The following FGGY variants were observed in gnomAD, a reference collection of about 807,000 sequenced individuals.
FGGY encodes the protein FGGY carbohydrate kinase domain containing.
Under a neutral mutation model 71.3 loss-of-function variants are expected in FGGY, and 72 were observed. The observed-to-expected ratio is 1.01, with a 90% CI of 0.84 to 1.23. The LOEUF (loss-of-function observed/expected upper bound fraction) is 1.23. Ranked by LOEUF, FGGY falls within the 50% of genes most tolerant of loss-of-function variation. The pLI is 0.00. For synonymous variants in FGGY, 251 were observed against 250.3 expected (o/e 1.00, Z -0.02); for missense variants, 668 against 682.3 (o/e 0.98, Z 0.23).
intron 14 of FGGY, among the ~76,000 whole-genome samples, 194 bp downstream of exon 14, chr1:59,674,327 G>A (rs1280412626): frequency 2.0e-5 from 3 of 152,264 alleles, no homozygotes; most frequent in East Asian, 3.9e-4. Flanking sequence ...GCCTCGGTTC[G>A]TGTTGGTCGT....
At chr1:59,471,975 C>T (rs1045417423) in intron 6 of FGGY, among the ~76,000 whole-genome samples, 12 of 152,258 alleles carry the variant, frequency 7.9e-5, no homozygotes, top group African/African-American at 2.7e-4. Flanking sequence ...GCTGGCAGTC[C>T]TCACAGCCCT....
At chr1:59,433,325 T>G (rs2067764437) in intron 5 of FGGY, among the ~76,000 whole-genome samples, 2 of 152,158 alleles carry the variant, frequency 1.3e-5, no homozygotes, top group African/African-American at 4.8e-5. Flanking sequence ...AACCACTGAT[T>G]TAAATTAAAT....
intron 1 of FGGY, among the ~76,000 whole-genome samples, chr1:59,306,590 A>G (rs2043472865): frequency 6.6e-6 from 1 of 152,214 alleles, no homozygotes; most frequent in Non-Finnish European, 1.5e-5. Flanking sequence ...CCAACTCTAC[A>G]GGAAAAGAGG....
chr1:59,749,363 T>G (rs998597437), intron 14 of FGGY, among the ~76,000 whole-genome samples: 5 of 152,136 alleles, frequency 3.3e-5, no homozygotes, highest in Non-Finnish European at 7.4e-5. Flanking sequence ...ATCTGAAGTG[T>G]GGGCAGTCTT....
chr1:59,743,805 A>G (rs1406118843), intron 14 of FGGY, among the ~76,000 whole-genome samples: 1 of 152,228 alleles, frequency 6.6e-6, no homozygotes, highest in African/African-American at 2.4e-5. Flanking sequence ...CAAACCAAGA[A>G]GCTTCTACAA....
rs1472583413 is a variant in FGGY at position 59,570,347 on chromosome 1, TAA to T, written c.903+16121_903+16122del. ...ACTCTAAATTTACACTTGATGAATA[TAA>T]GAGTGAAGTAAATAAATGTAAAATT... On this transcript the variant is annotated intron_variant, in intron 8 of 15. Transcript: ENST00000303721. 3.9e-5 allele frequency among the ~76,000 whole-genome samples: 6 copies of T among 152,250 alleles called. No homozygotes were observed. The South Asian group carries it at 1.0e-3, about 26-fold the overall frequency.
intron 6 of FGGY, among the ~76,000 whole-genome samples, chr1:59,465,715 A>T (rs1161549788): frequency 7.1e-6 from 1 of 140,846 alleles, no homozygotes. Context: ...CACCAACAAC[A>T]GACAGACAGA....
intron 9 of FGGY, among the ~76,000 whole-genome samples, 189 bp downstream of exon 9, chr1:59,608,099 C>T (rs1226642826): frequency 6.6e-6 from 1 of 152,190 alleles, no homozygotes; most frequent in Non-Finnish European, 1.5e-5. Context: ...AGAAGTGTTA[C>T]AGCAGGCAGT....
chr1:59,586,924 G>T (rs2096302376), intron 8 of FGGY, among the ~76,000 whole-genome samples: 1 of 152,206 alleles, frequency 6.6e-6, no homozygotes, highest in Admixed American at 6.5e-5. Context: ...TCTCACTAGG[G>T]AGTGCCAGAC....
chr1:59,616,290 G>A (rs1455069535), intron 9 of FGGY, among the ~76,000 whole-genome samples: 4 of 152,170 alleles, frequency 2.6e-5, no homozygotes, highest in African/African-American at 9.7e-5. Context: ...ATACACCATG[G>A]AATACTATGC....
intron 5 of FGGY, among the ~76,000 whole-genome samples, chr1:59,430,430 T>G (rs1011949554): frequency 6.6e-6 from 1 of 152,188 alleles, no homozygotes; most frequent in African/African-American, 2.4e-5. Flanking sequence ...CATTTCATAT[T>G]ACACTGGAAG....
At chr1:59,465,371 C>A (rs1028098887) in intron 6 of FGGY, among the ~76,000 whole-genome samples, 1 of 152,148 alleles carries the variant, frequency 6.6e-6, no homozygotes, top group Non-Finnish European at 1.5e-5. Flanking sequence ...ATAATAAGAG[C>A]TGTTTATGAC....
At chr1:59,726,358 A>G (rs916388252) in intron 14 of FGGY, among the ~76,000 whole-genome samples, 13 of 152,000 alleles carry the variant, frequency 8.6e-5, no homozygotes, top group Non-Finnish European at 1.9e-4. Flanking sequence ...TTTTGCATCT[A>G]TATTCATGAG....
intron 14 of FGGY, among the ~76,000 whole-genome samples, chr1:59,747,996 C>T (rs1365476377): frequency 6.6e-6 from 1 of 152,122 alleles, no homozygotes; most frequent in African/African-American, 2.4e-5. Flanking sequence ...CTCTCTGAGC[C>T]TTTATTTCCT....
chr1:59,311,211 A>T (rs982268445), intron 1 of FGGY, among the ~76,000 whole-genome samples: 21 of 151,958 alleles, frequency 1.4e-4, no homozygotes, highest in Admixed American at 1.1e-3. Context: ...TGGTAGAAAG[A>T]GTTCAGCTCT....
chr1:59,446,234 T>G (rs1172812369), intron 5 of FGGY, among the ~76,000 whole-genome samples: 1 of 152,234 alleles, frequency 6.6e-6, no homozygotes, highest in African/African-American at 2.4e-5. Flanking sequence ...GTGGCAACTT[T>G]AAGATCTTTT....
intron 14 of FGGY, among the ~76,000 whole-genome samples, chr1:59,748,945 A>G (rs1274081365): frequency 1.3e-5 from 2 of 152,160 alleles, no homozygotes; most frequent in Non-Finnish European, 2.9e-5. Context: ...ACCTTCCAGA[A>G]TGAGAAAGGG....
chr1:59,474,413 G>A (rs2093157893), intron 6 of FGGY, among the ~76,000 whole-genome samples: 1 of 152,212 alleles, frequency 6.6e-6, no homozygotes, highest in African/African-American at 2.4e-5. Flanking sequence ...AGGGATGTGA[G>A]GTGAATTTCC....
chr1:59,504,465 A>G (rs997583737), intron 6 of FGGY, among the ~76,000 whole-genome samples: 3 of 152,142 alleles, frequency 2.0e-5, no homozygotes, highest in Non-Finnish European at 2.9e-5. Context: ...ATCTGATGCA[A>G]TCTCCAAGTA....
Sources: allele counts gnomAD v4.1 joint callset (sites outside exome capture counted in the v4.1 genomes callset), GRCh38; gene constraint gnomAD v4.1.1; transcripts MANE v1.5; gene names NCBI Gene and HGNC (gene_info 2026-07-23, HGNC 2026-07-21).